Variants in SPATS2L observed in about 807,000 individuals in gnomAD.
SPATS2L encodes SPATS2-like protein.
In SPATS2L, 30 loss-of-function variants were observed where a neutral mutation model predicts 59.6. The observed-to-expected ratio is 0.50, with a 90% CI of 0.38 to 0.68. The LOEUF is 0.68. Among genes scored for constraint, SPATS2L ranks in the 30% least tolerant of loss-of-function variants. The probability of loss-of-function intolerance (pLI) is 0.00; values close to 1 mark genes in which losing one functional copy is unlikely to be tolerated. For synonymous variants in SPATS2L, 252 were observed against 263.5 expected, an observed-to-expected ratio of 0.96 and a Z score of 0.42; for missense variants, 615 against 700.0, an observed-to-expected ratio of 0.88 and a Z score of 1.37.
intron 1 of SPATS2L, among the ~76,000 whole-genome samples, chr2:200,319,666 G>A (rs1319093965): frequency 1.3e-5 from 2 of 150,766 alleles, no homozygotes; most frequent in Non-Finnish European, 2.9e-5. Context: ...TCACTCCCTT[G>A]ATCAGGGCAC....
At chr2:200,470,112 G>A (rs1486485436) in intron 11 of SPATS2L, 96 bp downstream of exon 11, 1 of 930,086 alleles carries the variant, frequency 1.1e-6, no homozygotes, top group African/African-American at 1.7e-5. Flanking sequence ...TCCCCCCAGG[G>A]GGCTAACGTG....
At chr2:200,385,518 A>C (rs1381318757) in intron 2 of SPATS2L, among the ~76,000 whole-genome samples, 1 of 152,128 alleles carries the variant, frequency 6.6e-6, no homozygotes, top group Non-Finnish European at 1.5e-5. Context: ...ACATGATGTT[A>C]TGCAGGGGCA....
chr2:200,467,638 C>T (rs552533138), intron 10 of SPATS2L, among the ~76,000 whole-genome samples: 2 of 152,284 alleles, frequency 1.3e-5, no homozygotes, highest in East Asian at 3.9e-4. Flanking sequence ...TTTTGTCAGT[C>T]AGTAGAGACT....
At chr2:200,469,735 A>C (rs2106228000) in intron 10 of SPATS2L, 179 bp from the exon 11 acceptor site, 1 of 537,864 alleles carries the variant, frequency 1.9e-6, no homozygotes, top group East Asian at 3.0e-5. Context: ...GAAGATGCTC[A>C]TTCCCTAGCC....
chr2:200,468,373 C>CACACACACACACACACACAT (rs2086764729), intron 10 of SPATS2L, among the ~76,000 whole-genome samples: 1 of 151,644 alleles, frequency 6.6e-6, no homozygotes, highest in Non-Finnish European at 1.5e-5. Flanking sequence ...CACACACACA[C>CACACACACACACACACACAT]ACACACGCCT....
chr2:200,335,520 T>A, intron 2 of SPATS2L, among the ~76,000 whole-genome samples: 1 of 152,218 alleles, frequency 6.6e-6, no homozygotes, highest in Non-Finnish European at 1.5e-5. Flanking sequence ...AATAAATGAA[T>A]TTTTAAATTT....
chr2:200,382,743 T>G (rs2081863081), intron 2 of SPATS2L, among the ~76,000 whole-genome samples: 1 of 152,204 alleles, frequency 6.6e-6, no homozygotes, highest in Admixed American at 6.5e-5. Context: ...GGGGATAATC[T>G]TAATTTCTAT....
At chr2:200,393,141 G>C (rs1461111372) in intron 3 of SPATS2L, 1 of 452,668 alleles carries the variant, frequency 2.2e-6, no homozygotes, top group African/African-American at 2.0e-5. Context: ...TCGAGGATTG[G>C]CAGCCCCTTT....
intron 3 of SPATS2L, among the ~76,000 whole-genome samples, chr2:200,410,059 T>A (rs1559106957): frequency 6.6e-6 from 1 of 152,076 alleles, no homozygotes. Flanking sequence ...GCTGTGTAGG[T>A]GGATTGAAAA....
At chr2:200,319,331 G>A (rs772621627) in intron 1 of SPATS2L, among the ~76,000 whole-genome samples, 1 of 152,104 alleles carries the variant, frequency 6.6e-6, no homozygotes, top group Non-Finnish European at 1.5e-5. Flanking sequence ...TTTGAAGGCC[G>A]AGGTGGGCGT....
chr2:200,383,049 C>T (rs1272033642), intron 2 of SPATS2L, among the ~76,000 whole-genome samples: 1 of 152,074 alleles, frequency 6.6e-6, no homozygotes, highest in Non-Finnish European at 1.5e-5. Context: ...CGTCCGAATA[C>T]CCTGCGGGGC....
At chr2:200,404,974 A>G (rs2082646402) in intron 3 of SPATS2L, among the ~76,000 whole-genome samples, 2 of 152,156 alleles carry the variant, frequency 1.3e-5, no homozygotes, top group African/African-American at 4.8e-5. Context: ...ACCCACTGAG[A>G]TAATCCGGGA....
At chr2:200,465,484 A>C (rs1266167104) in intron 9 of SPATS2L, among the ~76,000 whole-genome samples, 1 of 152,208 alleles carries the variant, frequency 6.6e-6, no homozygotes, top group East Asian at 1.9e-4. Context: ...TCCTTCAGCA[A>C]TCTGTTGTCT....
At position 200,321,415 on chromosome 2, in the gene SPATS2L, C is replaced by T. The variant is rs140803552; in HGVS notation, c.-72-8016C>T. On this transcript the variant is annotated intron_variant, in intron 1 of 12. Transcript: ENST00000409140. ...TATTGTAAAAATTAATAAGATAATG[C>T]AGATAAAGTACATAGCATGGTTCTT... 1.5e-3 allele frequency among the ~76,000 whole-genome samples: 224 copies of T among 152,228 alleles called. 1 individual carries two copies. Among genetic ancestry groups the T allele is most frequent in the Non-Finnish European group, 2.3e-3 (155 of 68,018 alleles).
chr2:200,385,248 ATTAGAGGC>A (rs1260320008), intron 2 of SPATS2L, among the ~76,000 whole-genome samples: 1 of 152,214 alleles, frequency 6.6e-6, no homozygotes, highest in Non-Finnish European at 1.5e-5. Context: ...AAATCACAGC[ATTAGAGGC>A]TTCTTGGGCT....
intron 2 of SPATS2L, among the ~76,000 whole-genome samples, chr2:200,373,445 T>C (rs1199310057): frequency 6.6e-6 from 1 of 152,212 alleles, no homozygotes; most frequent in African/African-American, 2.4e-5. Flanking sequence ...AAAGACTGGC[T>C]GGTAGCCATT....
At chr2:200,468,347 T>TACACACACACACACACAC (rs141831238) in intron 10 of SPATS2L, among the ~76,000 whole-genome samples, 4,862 of 110,110 alleles carry the variant, frequency 0.044, 297 homozygotes, top group Non-Finnish European at 0.055. Flanking sequence ...CCCAGTATAC[T>TACACACACACACACACAC]ACACACACAC....
intron 7 of SPATS2L, among the ~76,000 whole-genome samples, chr2:200,439,818 G>A (rs1002136452): frequency 3.3e-5 from 5 of 152,136 alleles, no homozygotes; most frequent in African/African-American, 1.2e-4. Flanking sequence ...TTGAAAGAGG[G>A]TTTTATATTT....
chr2:200,316,101 C>T (rs1278802954), intron 1 of SPATS2L, among the ~76,000 whole-genome samples: 1 of 150,968 alleles, frequency 6.6e-6, no homozygotes, highest in Non-Finnish European at 1.5e-5. Context: ...TGATAGGAAA[C>T]CAGATCTTAC....
Sources: gnomAD v4.1 joint callset for allele counts (sites outside exome capture counted in the v4.1 genomes callset) on GRCh38, gnomAD v4.1.1 for gene constraint, MANE v1.5 for transcripts, NCBI Gene and HGNC (gene_info 2026-07-23, HGNC 2026-07-21) for gene names.